The following FAM222A variants were observed in gnomAD, a reference collection of about 807,000 sequenced individuals.
The protein encoded by FAM222A is family with sequence similarity 222 member A.
A neutral mutation model predicts 25.8 loss-of-function variants in FAM222A; 7 were observed. The observed-to-expected ratio is 0.27, with a 90% confidence interval of 0.15 to 0.51. FAM222A has a LOEUF of 0.51. Ranked by LOEUF, FAM222A falls within the 20% of genes least tolerant of loss-of-function variation. FAM222A has a pLI of 0.97. For missense variants in FAM222A, 573 were observed against 640.5 expected, an observed-to-expected ratio of 0.89 and a Z score of 1.14; for synonymous variants, 294 against 298.8, an observed-to-expected ratio of 0.98 and a Z score of 0.17.
At chr12:109,715,544 CG>C (rs1332686768) in intron 1 of FAM222A, among the ~76,000 whole-genome samples, 1 of 151,978 alleles carries the variant, frequency 6.6e-6, no homozygotes, top group Non-Finnish European at 1.5e-5. Flanking sequence ...TAACAAGGGG[CG>C]GGGCTGGATG....
At chr12:109,758,707 C>T (rs1284663317) in intron 2 of FAM222A, among the ~76,000 whole-genome samples, 1 of 152,188 alleles carries the variant, frequency 6.6e-6, no homozygotes, top group Non-Finnish European at 1.5e-5. Context: ...ATTAGTGTCA[C>T]GTTAATTGAG....
intron 2 of FAM222A, among the ~76,000 whole-genome samples, chr12:109,764,486 A>AT (rs1442561718): frequency 6.6e-6 from 1 of 152,162 alleles, no homozygotes; most frequent in Non-Finnish European, 1.5e-5. Context: ...AGATTTAATC[A>AT]TTTTCACAGT....
At chr12:109,740,117 G>T (rs1330838050) in intron 1 of FAM222A, among the ~76,000 whole-genome samples, 1 of 152,196 alleles carries the variant, frequency 6.6e-6, no homozygotes, top group Non-Finnish European at 1.5e-5. Context: ...CCCATTCATT[G>T]TTCTGCTAAG....
Position 109,714,523 on chromosome 12 carries a change from G to A in FAM222A, c.-421G>A, listed in dbSNP as rs1887600633. The A allele has an allele frequency of 6.6e-6, 1 of 151,900 alleles. No individual in the cohort carries two copies. The highest frequency in any genetic ancestry group is 1.5e-5 in the Non-Finnish European group (1 of 67,956). The allele number at this position is 151,900 out of a possible 1,614,324, so 9.4% of individuals were successfully genotyped here. A position where few individuals can be genotyped will look rare whatever the true frequency, so the allele number is the denominator to read the frequency against. The stretch of plus-strand genomic sequence containing the variant: ...CCGCCGGGCTCCCAGCGCGGGCGGA[G>A]AGGGCGCCCTGGGAGCGGCGCGGGC... On this transcript the variant is annotated 5_prime_UTR_variant, in exon 1 of 3. Transcript: ENST00000538780. This position sits in a 1 kb window ranked among gnomAD's most constrained non-coding sequence, Gnocchi z 4.2.
chr12:109,723,317 A>G (rs1438715976), intron 1 of FAM222A, among the ~76,000 whole-genome samples: 1 of 152,204 alleles, frequency 6.6e-6, no homozygotes, highest in Non-Finnish European at 1.5e-5. Flanking sequence ...AGGCCAGGCC[A>G]GTTTCCCTGG....
chr12:109,727,205 G>C (rs1887859810), intron 1 of FAM222A, among the ~76,000 whole-genome samples: 1 of 152,136 alleles, frequency 6.6e-6, no homozygotes, highest in Admixed American at 6.5e-5. Flanking sequence ...ACTGGCCTTT[G>C]TGTGAGCTTG....
intron 1 of FAM222A, among the ~76,000 whole-genome samples, chr12:109,737,519 G>C (rs1417112600): frequency 6.6e-6 from 1 of 151,396 alleles, no homozygotes; most frequent in Non-Finnish European, 1.5e-5. Context: ...GACAGATACA[G>C]TGGTAATTCT....
intron 1 of FAM222A, among the ~76,000 whole-genome samples, chr12:109,727,021 A>T (rs1038721473): frequency 3.9e-5 from 6 of 152,124 alleles, no homozygotes; most frequent in Admixed American, 3.9e-4. Context: ...GGAGGTGGGG[A>T]TGCTGAAGCC....
At chr12:109,753,747 G>A (rs1337932668) in intron 2 of FAM222A, among the ~76,000 whole-genome samples, 1 of 149,392 alleles carries the variant, frequency 6.7e-6, no homozygotes, top group East Asian at 2.0e-4. Context: ...CCGACAGGCT[G>A]GAGCTACTGC....
intron 2 of FAM222A, among the ~76,000 whole-genome samples, chr12:109,764,794 C>T (rs972196619): frequency 5.9e-5 from 9 of 152,000 alleles, no homozygotes; most frequent in Middle Eastern, 3.4e-3. Context: ...CCCTTTTTTG[C>T]GGGACTCTCC....
chr12:109,767,062 C>CTTTT lies in FAM222A; in HGVS notation c.83-929_83-926dup, dbSNP rs757766627. Among the ~76,000 whole-genome samples the CTTTT allele has an allele frequency of 5.7e-3, 526 of 92,728 alleles. 1 individual carries two copies. Among genetic ancestry groups the CTTTT allele is most frequent in the East Asian group, 8.7e-3 (25 of 2,880 alleles). The allele number at this position is 92,728 out of a possible 152,430, so 60.8% of individuals were successfully genotyped here. A position where few individuals can be genotyped will look rare whatever the true frequency, so the allele number is the denominator to read the frequency against. On this transcript the variant is annotated intron_variant, in intron 2 of 2. Transcript: ENST00000538780. The stretch of plus-strand genomic sequence containing the variant: ...AGGCATGCACCATAATGCTTGGCTT[C>CTTTT]TTTTTTTTTTTTTTTTTTTTTTTTC...
chr12:109,737,769 C>T (rs191440231), intron 1 of FAM222A, among the ~76,000 whole-genome samples: 34 of 152,150 alleles, frequency 2.2e-4, no homozygotes, highest in African/African-American at 7.9e-4. Flanking sequence ...AGAAAATTAC[C>T]CTCGCCTCCT....
chr12:109,764,811 C>T (rs949553506), intron 2 of FAM222A, among the ~76,000 whole-genome samples: 4 of 152,100 alleles, frequency 2.6e-5, no homozygotes, highest in Non-Finnish European at 2.9e-5. Flanking sequence ...CTCCGAGTGG[C>T]GCTAAGTGCC....
chr12:109,764,505 C>T (rs1857929345), intron 2 of FAM222A, among the ~76,000 whole-genome samples: 1 of 152,152 alleles, frequency 6.6e-6, no homozygotes, highest in South Asian at 2.1e-4. Flanking sequence ...GTTGGTGGCT[C>T]ATTGGATACT....
rs773097066 is a variant in FAM222A at position 109,769,625 on chromosome 12, CAG to C, written c.*338_*339del. 1 of 330,880 alleles carries C rather than the reference CAG, an allele frequency of 3.0e-6. No homozygotes were observed. The allele number at this position is 330,880 out of a possible 1,614,324, so 20.5% of individuals were successfully genotyped here. Reference sequence around the variant, plus strand: ...ATGGTTCTTTCTGGGCCTCCTGGGACAGGGGCCCAGGCCAAGGTGGGGTGCAG... The same window carrying C: ...ATGGTTCTTTCTGGGCCTCCTGGGACGGGCCCAGGCCAAGGTGGGGTGCAG... On this transcript the variant is annotated 3_prime_UTR_variant, in exon 3 of 3. Coordinates refer to ENST00000538780, the MANE Select transcript of FAM222A (RefSeq NM_032829.3).
At chr12:109,728,789 A>T (rs2136323320) in intron 1 of FAM222A, among the ~76,000 whole-genome samples, 1 of 152,350 alleles carries the variant, frequency 6.6e-6, no homozygotes, top group African/African-American at 2.4e-5. Flanking sequence ...CCCACCTAGC[A>T]GGAGAGACAG....
At chr12:109,738,666 A>T (rs965793657) in intron 1 of FAM222A, among the ~76,000 whole-genome samples, 1 of 152,202 alleles carries the variant, frequency 6.6e-6, no homozygotes, top group Non-Finnish European at 1.5e-5. Flanking sequence ...CCAGCTTCCT[A>T]TCTTGTCCCT....
At chr12:109,722,670 T>G (rs1362938820) in intron 1 of FAM222A, 1 of 152,288 alleles carries the variant, frequency 6.6e-6, no homozygotes. Flanking sequence ...TCCCCTACCC[T>G]GCTGCCTGTC....
intron 1 of FAM222A, among the ~76,000 whole-genome samples, chr12:109,724,280 C>A (rs1313907512): frequency 6.6e-6 from 1 of 152,246 alleles, no homozygotes; most frequent in Non-Finnish European, 1.5e-5. Flanking sequence ...TATGCATGGC[C>A]TGTGAGACAG....
Sources: allele counts gnomAD v4.1 joint callset (sites outside exome capture counted in the v4.1 genomes callset), GRCh38; gene constraint gnomAD v4.1.1; non-coding constraint Gnocchi (gnomAD v3.1); transcripts MANE v1.5; gene names NCBI Gene and HGNC (gene_info 2026-07-23, HGNC 2026-07-21).